The following SMIM23 variants were observed in gnomAD, a reference collection of about 807,000 sequenced individuals.
The protein encoded by SMIM23 is CTB-78H18.1.
A neutral mutation model predicts 12.8 loss-of-function variants in SMIM23; 10 were observed. The ratio of observed to expected loss-of-function variants is 0.78; its 90% CI spans 0.48 to 1.32. SMIM23 has a LOEUF of 1.32. SMIM23 is among the 40% of genes most tolerant of loss of function. SMIM23 has a pLI of 0.00. For synonymous variants in SMIM23, 78 were observed against 80.1 expected (o/e 0.97, Z 0.14); for missense variants, 184 against 198.2 (o/e 0.93, Z 0.43).
At chr5:171,788,173 A>AAC (rs10566750) in intron 1 of SMIM23, among the ~76,000 whole-genome samples, 2,753 of 145,746 alleles carry the variant, frequency 0.019, 62 homozygotes, top group African/African-American at 0.048. Flanking sequence ...CACACACACA[A>AAC]ACACACACAC....
the SMIM23 span, among the ~76,000 whole-genome samples, chr5:171,773,317 G>A: frequency 6.6e-6 from 1 of 151,492 alleles, no homozygotes; most frequent in Non-Finnish European, 1.5e-5. Context: ...AGCAAGGGCT[G>A]GATAAACACC....
intron 1 of SMIM23, among the ~76,000 whole-genome samples, chr5:171,787,860 C>T (rs1417491586): frequency 6.6e-6 from 1 of 152,084 alleles, no homozygotes; most frequent in African/African-American, 2.4e-5. Context: ...GGAATCATAC[C>T]ATGTATACCT....
chr5:171,787,639 A>G (rs1755842509), intron 1 of SMIM23, among the ~76,000 whole-genome samples: 1 of 152,260 alleles, frequency 6.6e-6, no homozygotes, highest in Non-Finnish European at 1.5e-5. Context: ...CCTAAAGAAT[A>G]TTGTTAAGAA....
chr5:171,789,831 G>A (rs992681032), intron 1 of SMIM23, among the ~76,000 whole-genome samples: 4 of 152,144 alleles, frequency 2.6e-5, no homozygotes, highest in African/African-American at 7.2e-5. Context: ...CTAAGATGAC[G>A]GAAATGCTCT....
At chr5:171,779,500 T>C (rs1400620955), upstream of SMIM23, among the ~76,000 whole-genome samples, 1 of 152,168 alleles carries the variant, frequency 6.6e-6, no homozygotes, top group Non-Finnish European at 1.5e-5. Context: ...TTGTGAGGTC[T>C]TTTCCCATAA....
chr5:171,780,019 T>C (rs1383210295), upstream of SMIM23, among the ~76,000 whole-genome samples: 1 of 152,108 alleles, frequency 6.6e-6, no homozygotes, highest in East Asian at 1.9e-4. Context: ...CTTAGAGACA[T>C]GATGTCACTT....
upstream of SMIM23, among the ~76,000 whole-genome samples, chr5:171,785,468 C>G (rs1382088151): frequency 6.6e-6 from 1 of 150,810 alleles, no homozygotes; most frequent in Non-Finnish European, 1.5e-5. Flanking sequence ...AGGCTAGTCT[C>G]AAACTTCTGG....
Position 171,790,382 on chromosome 5 carries a change from C to G in SMIM23, c.158-100C>G, listed in dbSNP as rs559355318. On this transcript the variant is annotated intron_variant, in intron 2 of 3. Transcript: ENST00000523047. ...ATGTTAAGGGGACCTCCATAACCCA[C>G]CTTCTCCCACTGACCCTTCATCACA... The G allele has an allele frequency of 1.3e-5, 20 of 1,498,212 alleles. No individual in the cohort carries two copies. In the South Asian group the frequency reaches 2.4e-4, roughly 18 times the overall value. 92.8% of individuals were successfully genotyped at this position (1,498,212 alleles called of 1,614,324 possible).
the SMIM23 span, among the ~76,000 whole-genome samples, chr5:171,775,940 C>T: frequency 6.6e-6 from 1 of 152,164 alleles, no homozygotes; most frequent in Non-Finnish European, 1.5e-5. Flanking sequence ...TGTGTGATCT[C>T]AACTCACTGA....
At chr5:171,779,280 G>T (rs1441046150), upstream of SMIM23, among the ~76,000 whole-genome samples, 3 of 152,136 alleles carry the variant, frequency 2.0e-5, no homozygotes, top group Non-Finnish European at 4.4e-5. Context: ...CAATTGGCTG[G>T]CCTTTCTGGA....
At chr5:171,777,049 C>T in the SMIM23 span, among the ~76,000 whole-genome samples, 1 of 148,068 alleles carries the variant, frequency 6.8e-6, no homozygotes, top group Non-Finnish European at 1.5e-5. Context: ...CTCCAGCTTC[C>T]CCCTCCTTTT....
At chr5:171,787,843 T>A (rs1017515863) in intron 1 of SMIM23, among the ~76,000 whole-genome samples, 4 of 152,250 alleles carry the variant, frequency 2.6e-5, no homozygotes, top group Non-Finnish European at 5.9e-5. Context: ...TTGAATTTCA[T>A]GTAAATGGAA....
chr5:171,789,557 A>T (rs1200822387), intron 1 of SMIM23, among the ~76,000 whole-genome samples: 1 of 152,218 alleles, frequency 6.6e-6, no homozygotes, highest in Non-Finnish European at 1.5e-5. Context: ...TGATTGTGCA[A>T]TATTCTATGT....
At chr5:171,783,158 A>T (rs1434347340), upstream of SMIM23, among the ~76,000 whole-genome samples, 1 of 152,236 alleles carries the variant, frequency 6.6e-6, no homozygotes, top group Non-Finnish European at 1.5e-5. Flanking sequence ...AACAAATGAA[A>T]CGGAAGACCT....
At chr5:171,777,255 G>A in the SMIM23 span, among the ~76,000 whole-genome samples, 1 of 152,212 alleles carries the variant, frequency 6.6e-6, no homozygotes, top group Non-Finnish European at 1.5e-5. Context: ...CGGAATACTT[G>A]GCATGTTACA....
upstream of SMIM23, among the ~76,000 whole-genome samples, chr5:171,784,379 C>G (rs186775776): frequency 6.6e-6 from 1 of 152,034 alleles, no homozygotes; most frequent in African/African-American, 2.4e-5. Context: ...GTGGCGGGTG[C>G]CTGTAGTCCC....
upstream of SMIM23, among the ~76,000 whole-genome samples, chr5:171,777,490 T>C (rs55812392): frequency 0.099 from 15,076 of 152,306 alleles, 841 homozygotes; most frequent in Non-Finnish European, 0.11. Context: ...GGCAAGCCTA[T>C]GCCAAGGCTG....
chr5:171,785,341 C>A (rs1755794045), upstream of SMIM23, among the ~76,000 whole-genome samples: 1 of 151,760 alleles, frequency 6.6e-6, no homozygotes, highest in Admixed American at 6.6e-5. Context: ...TTGTTTCTTA[C>A]AACTGCATGT....
upstream of SMIM23, among the ~76,000 whole-genome samples, chr5:171,779,960 C>T (rs116037568): frequency 6.6e-6 from 1 of 151,946 alleles, no homozygotes; most frequent in Non-Finnish European, 1.5e-5. Context: ...CCAGTAACCC[C>T]GTAAGACACA....
Sources: gnomAD v4.1 joint callset for allele counts (sites outside exome capture counted in the v4.1 genomes callset) on GRCh38, gnomAD v4.1.1 for gene constraint, MANE v1.5 for transcripts, NCBI Gene and HGNC (gene_info 2026-07-23, HGNC 2026-07-21) for gene names.